Variants in SND1 observed in about 807,000 individuals in gnomAD.
SND1 encodes staphylococcal nuclease and tudor domain containing 1.
SND1 carries 38 observed loss-of-function variants against 121.7 expected under a neutral mutation model. The ratio of observed to expected loss-of-function variants is 0.31; its 90% CI spans 0.24 to 0.41. SND1 has a LOEUF of 0.41. Ranked by LOEUF, SND1 falls within the 10% of genes least tolerant of loss-of-function variation. The pLI, the probability that SND1 is intolerant of heterozygous loss-of-function variation, is 1.00. For missense variants in SND1, 868 were observed against 1,184.6 expected, an observed-to-expected ratio of 0.73 and a Z score of 3.92; for synonymous variants, 401 against 447.4, an observed-to-expected ratio of 0.90 and a Z score of 1.31.
Position 127,707,646 on chromosome 7 carries a change from A to C in SND1, c.1037A>C (p.Lys346Thr). 6.2e-7 allele frequency: 1 copy of C among 1,613,506 alleles called. No individual in the cohort carries two copies. The highest frequency in any genetic ancestry group is 8.5e-7 in the Non-Finnish European group (1 of 1,179,426). ...LDQKDKQFVA[K>T]VMQVLNADAI... is the part of the protein sequence containing the mutation. ...CAAAAGGACAAGCAGTTTGTTGCCA[A>C]GGTGAGTCATTCTCAGCATCTTGAT... The change falls in exon 9 of 24, where the codon AAG becomes ACG. Residue 346 changes from lysine (K) to threonine (T), a missense_variant and splice_region_variant. This residue lies in a region of SND1 where 743 missense variants were observed against 1,071.3 expected (regional missense o/e 0.69). Transcript: ENST00000354725.
At chr7:127,945,521 A>G (rs1266321285) in intron 15 of SND1, among the ~76,000 whole-genome samples, 1 of 152,130 alleles carries the variant, frequency 6.6e-6, no homozygotes, top group Non-Finnish European at 1.5e-5. Flanking sequence ...TTAGAAAGCA[A>G]AATAACCCTA....
At position 127,721,461 on chromosome 7, in the gene SND1, T is replaced by A. The variant is rs1796495391; in HGVS notation, c.1152+61T>A. The A allele has an allele frequency of 4.4e-6, 4 of 913,454 alleles. No homozygotes were observed. The East Asian group carries it at 9.9e-5, about 23-fold the overall frequency. The allele number at this position is 913,454 out of a possible 1,614,324, so 56.6% of individuals were successfully genotyped here. Reference sequence around the variant, plus strand: ...AACCAAAAGGAAGAAGTTGGAGAATTGATTAATATATGACATATATAATAC... The same window carrying A: ...AACCAAAAGGAAGAAGTTGGAGAATAGATTAATATATGACATATATAATAC... On this transcript the variant is annotated intron_variant, in intron 10 of 23. Coordinates refer to ENST00000354725, the MANE Select transcript of SND1 (RefSeq NM_014390.4).
intron 10 of SND1, among the ~76,000 whole-genome samples, chr7:127,776,510 G>A (rs930526734): frequency 6.6e-6 from 1 of 151,986 alleles, no homozygotes; most frequent in African/African-American, 2.4e-5. Context: ...ATAGAATATA[G>A]AAAAGTAAAT....
intron 12 of SND1, among the ~76,000 whole-genome samples, chr7:127,861,594 C>T (rs1446525300): frequency 6.6e-6 from 1 of 152,178 alleles, no homozygotes; most frequent in Non-Finnish European, 1.5e-5. Context: ...CCTGTCTCAG[C>T]CTCCCAAGTA....
In SND1 at chr7:127,707,689, C is replaced by T. The variant is rs1796224959; in HGVS notation, c.1038+42C>T. On this transcript the variant is annotated intron_variant, in intron 9 of 23. Coordinates refer to ENST00000354725, the MANE Select transcript of SND1 (RefSeq NM_014390.4). ...ATCTTGATATGCATAGTGGACATTG[C>T]CAGGCGAGTAATAATACAAGAATTT... 3 of 1,487,292 alleles carry T rather than the reference C, an allele frequency of 2.0e-6. No individual in the cohort carries two copies. The East Asian group carries it at 6.8e-5, about 34-fold the overall frequency. The allele number at this position is 1,487,292 out of a possible 1,614,324, so 92.1% of individuals were successfully genotyped here. A position where few individuals can be genotyped will look rare whatever the true frequency, so the allele number is the denominator to read the frequency against.
chr7:127,707,805 GTGTGTGTT>G (rs1183565618), intron 9 of SND1, among the ~76,000 whole-genome samples, 158 bp downstream of exon 9: 4 of 144,152 alleles, frequency 2.8e-5, no homozygotes, highest in Non-Finnish European at 6.2e-5. Context: ...GTGTGTGTGT[GTGTGTGTT>G]TATTGTAGGG....
chr7:128,000,197 CT>C (rs2116931481), intron 16 of SND1: 1 of 151,546 alleles, frequency 6.6e-6, no homozygotes, highest in Admixed American at 6.6e-5. Flanking sequence ...TGTTAACTTC[CT>C]TCTGGAAGCC....
chr7:127,921,808 T>C (rs1210680659), intron 14 of SND1, among the ~76,000 whole-genome samples: 2 of 152,238 alleles, frequency 1.3e-5, no homozygotes, highest in Non-Finnish European at 2.9e-5. Context: ...CAGAATGTCA[T>C]ACAAATGCAA....
intron 22 of SND1, among the ~76,000 whole-genome samples, chr7:128,090,673 C>T (rs1416504930): frequency 6.6e-6 from 1 of 152,196 alleles, no homozygotes; most frequent in African/African-American, 2.4e-5. Flanking sequence ...CACTGCTCTC[C>T]CTTCTCCCAG....
intron 16 of SND1, among the ~76,000 whole-genome samples, chr7:128,060,813 G>T (rs1793218743): frequency 6.6e-6 from 1 of 152,282 alleles, no homozygotes; most frequent in Middle Eastern, 3.4e-3. Context: ...CAAGGGTGGG[G>T]TCCATTTTCT....
chr7:128,004,320 G>T (rs934626762), intron 16 of SND1, among the ~76,000 whole-genome samples: 1 of 152,152 alleles, frequency 6.6e-6, no homozygotes, highest in Admixed American at 6.5e-5. Flanking sequence ...GTGTGGTGGG[G>T]AGGTTTCTAA....
chr7:127,745,709 A>G (rs528230404), intron 10 of SND1, among the ~76,000 whole-genome samples: 8 of 152,324 alleles, frequency 5.3e-5, no homozygotes, highest in African/African-American at 1.9e-4. Flanking sequence ...AAGGGCTACC[A>G]CAAAGTTACT....
chr7:127,698,858 C>T lies in SND1; in HGVS notation c.350-17C>T. 1.9e-6 allele frequency: 3 copies of T among 1,611,796 alleles called. No homozygotes were observed. Among genetic ancestry groups the T allele is most frequent in the Non-Finnish European group, 2.5e-6 (3 of 1,178,068 alleles). The stretch of plus-strand genomic sequence containing the variant: ...AGGTTTGAATCTTGTTTTTAAATCC[C>T]CCCTTTTCCTCCTCAGATACCAATG... On this transcript the variant is annotated splice_polypyrimidine_tract_variant and intron_variant, in intron 3 of 23. Transcript: ENST00000354725.
chr7:127,994,573 AAAAAAAAAAAAAC>A (rs1161661811), intron 16 of SND1, among the ~76,000 whole-genome samples: 3 of 137,532 alleles, frequency 2.2e-5, no homozygotes, highest in East Asian at 2.1e-4. Context: ...AAAAAAAAAA[AAAAAAAAAAAAAC>A]AGTAAATTCA....
chr7:127,862,887 A>G (rs542480080), intron 12 of SND1, among the ~76,000 whole-genome samples: 12 of 152,298 alleles, frequency 7.9e-5, no homozygotes, highest in African/African-American at 2.6e-4. Flanking sequence ...CGTCTCCTAG[A>G]TCTCTGGACT....
intron 10 of SND1, among the ~76,000 whole-genome samples, chr7:127,759,524 A>G (rs1180305565): frequency 6.6e-6 from 1 of 152,116 alleles, no homozygotes; most frequent in African/African-American, 2.4e-5. Context: ...GGTCAGCCCT[A>G]GAGTCAGCCA....
chr7:128,032,986 G>A (rs933559377), intron 16 of SND1, among the ~76,000 whole-genome samples: 3 of 152,190 alleles, frequency 2.0e-5, no homozygotes, highest in African/African-American at 7.2e-5. Context: ...GACACAGCCC[G>A]TTCATTCATG....
chr7:128,032,811 C>G (rs780051991), intron 16 of SND1, among the ~76,000 whole-genome samples: 3 of 152,176 alleles, frequency 2.0e-5, no homozygotes. Flanking sequence ...CTTTGCCTCA[C>G]CCCTCCTGTG....
chr7:127,696,716 T>C (rs940140600), intron 3 of SND1, among the ~76,000 whole-genome samples: 2 of 152,236 alleles, frequency 1.3e-5, no homozygotes, highest in Admixed American at 6.5e-5. Context: ...CCAAATTGTT[T>C]ATTTTAAGAG....
Sources: allele counts gnomAD v4.1 joint callset (sites outside exome capture counted in the v4.1 genomes callset), GRCh38; gene constraint gnomAD v4.1.1; regional missense constraint gnomAD v4.1.1; transcripts MANE v1.5; gene names NCBI Gene and HGNC (gene_info 2026-07-23, HGNC 2026-07-21).